Variants in ZNG1F observed in about 807,000 individuals in gnomAD.
The protein encoded by ZNG1F is Zn regulated GTPase metalloprotein activator 1F, also known as zinc-regulated GTPase metalloprotein activator 1F.
chr9:41,195,466 A>G, the ZNG1F span, among the ~76,000 whole-genome samples: 1 of 75,640 alleles, frequency 1.3e-5, no homozygotes, highest in Non-Finnish European at 3.0e-5. Flanking sequence ...GTACATTTCA[A>G]TGTTTTTAGG....
chr9:41,174,257 A>AAAAAAAAAAAAAAAAAAG, the ZNG1F span: 1 of 1,278,628 alleles, frequency 7.8e-7, no homozygotes, highest in Non-Finnish European at 1.1e-6. Context: ...AAAAAAAAAA[A>AAAAAAAAAAAAAAAAAAG]CAAGAAAGAT....
At chr9:41,155,165 G>A in the ZNG1F span, among the ~76,000 whole-genome samples, 1 of 151,226 alleles carries the variant, frequency 6.6e-6, no homozygotes, top group Non-Finnish European at 1.5e-5. Context: ...CAAGAAAAAA[G>A]CAAACAACCC....
At chr9:41,154,640 C>T in the ZNG1F span, among the ~76,000 whole-genome samples, 3 of 147,316 alleles carry the variant, frequency 2.0e-5, no homozygotes, top group Non-Finnish European at 4.5e-5. Flanking sequence ...CAGCATGGTA[C>T]TGGTACCAAA....
chr9:41,183,549 A>G, the ZNG1F span: 2 of 1,584,702 alleles, frequency 1.3e-6, no homozygotes, highest in Non-Finnish European at 1.7e-6. Flanking sequence ...TGTACACAGT[A>G]AACACATTCC....
the ZNG1F span, among the ~76,000 whole-genome samples, chr9:41,154,864 T>A: frequency 6.7e-6 from 1 of 149,678 alleles, no homozygotes; most frequent in Non-Finnish European, 1.5e-5. Context: ...CAAGATGGAT[T>A]AAAGACTTAA....
At chr9:41,193,435 G>A in the ZNG1F span, among the ~76,000 whole-genome samples, 528 of 122,038 alleles carry the variant, frequency 4.3e-3, no homozygotes, top group African/African-American at 8.5e-3. Context: ...AAATGGAGTC[G>A]CTCATGCTAA....
the ZNG1F span, among the ~76,000 whole-genome samples, chr9:41,137,348 T>G: frequency 2.1e-5 from 3 of 145,160 alleles, no homozygotes; most frequent in African/African-American, 7.6e-5. Flanking sequence ...CTTGATATAA[T>G]TTTAATTTTC....
At chr9:41,157,263 T>C in the ZNG1F span, 1 of 145,208 alleles carries the variant, frequency 6.9e-6, no homozygotes, top group African/African-American at 2.6e-5. Context: ...ATCAAGACCA[T>C]CCTGGCCATG....
chr9:41,192,676 G>A, the ZNG1F span, among the ~76,000 whole-genome samples: 14,186 of 123,958 alleles, frequency 0.11, 20 homozygotes, highest in Middle Eastern at 0.19. Flanking sequence ...GTTTCACCAC[G>A]TTAGCCAGGC....
At chr9:41,134,037 C>G in the ZNG1F span, 1 of 389,224 alleles carries the variant, frequency 2.6e-6, no homozygotes, top group Non-Finnish European at 4.6e-6. Context: ...TTCATTCTTT[C>G]GTGGATTCTC....
the ZNG1F span, chr9:41,158,898 C>G: frequency 7.2e-6 from 1 of 139,160 alleles, no homozygotes; most frequent in African/African-American, 2.6e-5. Context: ...AAAAAAAGAC[C>G]ATTACCAGCA....
the ZNG1F span, among the ~76,000 whole-genome samples, chr9:41,166,163 C>G: frequency 9.4e-6 from 1 of 105,964 alleles, no homozygotes; most frequent in African/African-American, 3.7e-5. Flanking sequence ...TTTGGGAGGC[C>G]GAGGCGGGTG....
chr9:41,151,375 T>C, the ZNG1F span, among the ~76,000 whole-genome samples: 1 of 150,042 alleles, frequency 6.7e-6, no homozygotes, highest in Non-Finnish European at 1.5e-5. Flanking sequence ...CTACATCTGA[T>C]TGGTGTACCT....
chr9:41,150,316 G>A, the ZNG1F span, among the ~76,000 whole-genome samples: 1 of 150,842 alleles, frequency 6.6e-6, no homozygotes, highest in African/African-American at 2.4e-5. Flanking sequence ...TGGCTCGGAG[G>A]GTCCCACGCC....
At chr9:41,146,481 G>A in the ZNG1F span, among the ~76,000 whole-genome samples, 5 of 26,498 alleles carry the variant, frequency 1.9e-4, no homozygotes, top group African/African-American at 3.8e-4. Flanking sequence ...TCATGCCCTC[G>A]ATTTTTTTCC....
chr9:41,199,829 T>C, the ZNG1F span, among the ~76,000 whole-genome samples: 2 of 151,980 alleles, frequency 1.3e-5, no homozygotes, highest in African/African-American at 2.4e-5. Context: ...CTCAAAGCCA[T>C]GTGGAAGCTG....
At chr9:41,178,796 G>C in the ZNG1F span, among the ~76,000 whole-genome samples, 1 of 70,570 alleles carries the variant, frequency 1.4e-5, no homozygotes, top group African/African-American at 5.2e-5. Context: ...TTAAACTCCT[G>C]AACTCGTGAT....
At chr9:41,166,507 G>T in the ZNG1F span, among the ~76,000 whole-genome samples, 1 of 136,650 alleles carries the variant, frequency 7.3e-6, no homozygotes, top group South Asian at 2.3e-4. Context: ...TGTATAACAA[G>T]AAAATATTTT....
the ZNG1F span, among the ~76,000 whole-genome samples, chr9:41,154,642 G>A: frequency 6.8e-6 from 1 of 147,162 alleles, no homozygotes; most frequent in Non-Finnish European, 1.5e-5. Context: ...GCATGGTACT[G>A]GTACCAAAAC....
Sources: gnomAD v4.1 joint callset for allele counts (sites outside exome capture counted in the v4.1 genomes callset) on GRCh38, gnomAD v4.1.1 for gene constraint, MANE v1.5 for transcripts, NCBI Gene and HGNC (gene_info 2026-07-23, HGNC 2026-07-21) for gene names.